The following ZBTB4 variants were observed in gnomAD, a reference collection of about 807,000 sequenced individuals.
ZBTB4 encodes zinc finger and BTB domain-containing protein 4.
Under a neutral mutation model 59.8 loss-of-function variants are expected in ZBTB4, and 14 were observed. The ratio of observed to expected loss-of-function variants is 0.23; its 90% CI spans 0.15 to 0.37. The LOEUF is 0.37. ZBTB4 is among the 10% of genes least tolerant of loss of function. The probability of loss-of-function intolerance (pLI) is 1.00; values close to 1 mark genes in which losing one functional copy is unlikely to be tolerated. For synonymous variants in ZBTB4, 587 were observed against 575.2 expected, an observed-to-expected ratio of 1.02 and a Z score of -0.29; for missense variants, 1,198 against 1,380.8, an observed-to-expected ratio of 0.87 and a Z score of 2.10.
At chr17:7,465,667 A>G in intron 3 of ZBTB4, 44 bp downstream of exon 3, 1 of 1,552,428 alleles carries the variant, frequency 6.4e-7, no homozygotes, top group Non-Finnish European at 8.7e-7. Flanking sequence ...ATGACCGCTG[A>G]GTGCCAGCCT....
chr17:7,462,737 C>T lies in ZBTB4; in HGVS notation c.2245G>A (p.Gly749Ser), dbSNP rs144235825. Residue 749 changes from glycine (G) to serine (S), a missense_variant, in exon 4 of 4, where the codon GGT (glycine) becomes AGT (serine). Physicochemically the swap from Gly to Ser is moderately conservative, Grantham distance 56. This residue lies in a region of ZBTB4 where 550 missense variants were observed against 541.8 expected (regional missense o/e 1.02). Coordinates refer to ENST00000380599, the MANE Select transcript of ZBTB4 (RefSeq NM_001128833.2). The surrounding 1 kb of genome is among the most constrained non-coding windows in gnomAD (Gnocchi z 7.5). Reference sequence around the variant, plus strand: ...GCCCGGGAGCTGTGGGAGCCCCCACCGTGGGCCTCTTGGTGCTTCCGCAGC... The same window carrying T: ...GCCCGGGAGCTGTGGGAGCCCCCACTGTGGGCCTCTTGGTGCTTCCGCAGC... ...RKLRKHQEAH[G>S]GGSHSSRAGR... 52 of 1,603,614 alleles carry T rather than the reference C, an allele frequency of 3.2e-5. 2 individuals carry two copies. The East Asian group carries it at 4.0e-4, about 12-fold the overall frequency.
upstream of ZBTB4, chr17:7,482,848 C>T (rs140664147): frequency 1.3e-5 from 21 of 1,612,046 alleles, no homozygotes; most frequent in East Asian, 3.6e-4. Flanking sequence ...TCCTGCATTC[C>T]GAGGTGGTGG....
chr17:7,466,052 C>T lies in ZBTB4; in HGVS notation c.750G>A (p.Gln250=), dbSNP rs185495992. Reference sequence around the variant, plus strand: ...CTCGTCGGCACTGGGCCTCATGGGTCTGCAGCCGTTTGGGATGGATGAAGC... The same window carrying T: ...CTCGTCGGCACTGGGCCTCATGGGTTTGCAGCCGTTTGGGATGGATGAAGC... The part of the protein sequence containing the change: ...GKSFIHPKRL[Q]THEAQCRRGA... Residue 250 remains glutamine (Q), a synonymous_variant, in exon 3 of 4, where the codon CAG becomes CAA. Coordinates refer to ENST00000380599, the MANE Select transcript of ZBTB4 (RefSeq NM_001128833.2). The surrounding 1 kb of genome is among the most constrained non-coding windows in gnomAD (Gnocchi z 9.1). 8.3e-5 allele frequency: 134 copies of T among 1,608,018 alleles called. No individual in the cohort carries two copies. The highest frequency in any genetic ancestry group is 1.7e-4 in the Middle Eastern group (1 of 6,034).
intron 1 of ZBTB4, among the ~76,000 whole-genome samples, chr17:7,474,965 T>C (rs1471201874): frequency 1.4e-5 from 2 of 138,266 alleles, no homozygotes; most frequent in African/African-American, 5.5e-5. Flanking sequence ...CGAGCAGAGA[T>C]TGCGCCACTG....
upstream of ZBTB4, chr17:7,481,392 G>A (rs965395873): frequency 5.0e-5 from 65 of 1,287,702 alleles, no homozygotes; most frequent in Admixed American, 3.2e-4. Context: ...GAAAATAGGC[G>A]TGCTACCACC....
At position 7,466,097 on chromosome 17, in the gene ZBTB4, G is replaced by A. The variant is rs780235995; in HGVS notation, c.705C>T (p.Pro235=). 7 of 1,606,560 alleles carry A rather than the reference G, an allele frequency of 4.4e-6. 1 individual carries two copies. In the South Asian group the frequency reaches 6.6e-5, roughly 15 times the overall value. Reference sequence around the variant, plus strand: ...TGAAGCTTTTTCCACACTGGGGGCAGGGGAGGGGCCGCCGGGGCAGGGAGC... The same window carrying A: ...TGAAGCTTTTTCCACACTGGGGGCAAGGGAGGGGCCGCCGGGGCAGGGAGC... ...LQCSLPRRPL[P]CPQCGKSFIH... Residue 235 remains proline (P), a synonymous_variant, in exon 3 of 4, where the codon CCC becomes CCT. Coordinates refer to ENST00000380599, the MANE Select transcript of ZBTB4 (RefSeq NM_001128833.2). This position sits in a 1 kb window ranked among gnomAD's most constrained non-coding sequence, Gnocchi z 9.1.
rs138273424 is a variant in ZBTB4 at position 7,475,993 on chromosome 17, C to T, written c.-81+3463G>A. Reference sequence around the variant, plus strand: ...GTGTCATGTCTGACTCCACCCTTTCCCTCACTTCCACATCCAGCAGTCATC... The same window carrying T: ...GTGTCATGTCTGACTCCACCCTTTCTCTCACTTCCACATCCAGCAGTCATC... On this transcript the variant is annotated intron_variant, in intron 1 of 3. Coordinates refer to ENST00000380599, the MANE Select transcript of ZBTB4 (RefSeq NM_001128833.2). 5.3e-4 allele frequency among the ~76,000 whole-genome samples: 80 copies of T among 152,322 alleles called. 1 individual carries two copies. The highest frequency in any genetic ancestry group is 3.4e-3 in the Middle Eastern group (1 of 294).
At position 7,466,066 on chromosome 17, in the gene ZBTB4, G is replaced by A. The variant is rs1015011051; in HGVS notation, c.736C>T (p.Pro246Ser). ...GCCTCATGGGTCTGCAGCCGTTTGG[G>A]ATGGATGAAGCTTTTTCCACACTGG... ...CPQCGKSFIH[P>S]KRLQTHEAQC... Residue 246 changes from proline (P) to serine (S), a missense_variant, in exon 3 of 4, where the codon CCC becomes TCC. Physicochemically the swap from Pro to Ser is moderately conservative, Grantham distance 74. Around this residue, in one of 9 missense-constraint regions of ZBTB4, gnomAD observed 204 missense variants for 205.5 expected, o/e 0.99. Transcript: ENST00000380599. This position sits in a 1 kb window ranked among gnomAD's most constrained non-coding sequence, Gnocchi z 9.1. The A allele has an allele frequency of 3.0e-5, 48 of 1,607,278 alleles. No homozygotes were observed. Among genetic ancestry groups the A allele is most frequent in the Non-Finnish European group, 4.0e-5 (47 of 1,176,092 alleles).
At chr17:7,482,601 G>C (rs947014158), upstream of ZBTB4, 4 of 1,612,146 alleles carry the variant, frequency 2.5e-6, no homozygotes, top group Non-Finnish European at 3.4e-6. Flanking sequence ...CTGTCCCTGG[G>C]GCTTCTGGTC....
chr17:7,467,092 A>T, intron 2 of ZBTB4, 165 bp downstream of exon 2: 1 of 902,178 alleles, frequency 1.1e-6, no homozygotes, highest in Non-Finnish European at 1.3e-6. Flanking sequence ...CACAGACTAG[A>T]GATGTAAGTG....
intron 1 of ZBTB4, among the ~76,000 whole-genome samples, chr17:7,477,198 G>A (rs2070280148): frequency 6.6e-6 from 1 of 152,174 alleles, no homozygotes; most frequent in African/African-American, 2.4e-5. Context: ...CCTGGGGGAG[G>A]GCTGACAGGG....
chr17:7,461,252 G>GGGGCA lies in ZBTB4; in HGVS notation c.*683_*687dup, dbSNP rs1197954436. ...CTCAGCCACAGAACAGAGGGGCAGA[G>GGGGCA]GGGCAACCCTCCCCCAAACCTCCTT... On this transcript the variant is annotated 3_prime_UTR_variant, in exon 4 of 4. Coordinates refer to ENST00000380599, the MANE Select transcript of ZBTB4 (RefSeq NM_001128833.2). 6.5e-6 allele frequency: 1 copy of GGGGCA among 152,714 alleles called. No individual in the cohort carries two copies. Among genetic ancestry groups the GGGGCA allele is most frequent in the Non-Finnish European group, 1.5e-5 (1 of 68,098 alleles). The allele number at this position is 152,714 out of a possible 1,614,324, so 9.5% of individuals were successfully genotyped here. A position where few individuals can be genotyped will look rare whatever the true frequency, so the allele number is the denominator to read the frequency against.
chr17:7,463,029 ATCCTCCTCCTCCTCCTCTTCG>A lies in ZBTB4; in HGVS notation c.1932_1952del (p.Glu648_Glu654del). 1 of 1,608,708 alleles carries A rather than the reference ATCCTCCTCCTCCTCCTCTTCG, an allele frequency of 6.2e-7. No homozygotes were observed. Among genetic ancestry groups the A allele is most frequent in the Non-Finnish European group, 8.5e-7 (1 of 1,178,836 alleles). ...CCCCACCAGCCTTTGATTCCTCCTC[ATCCTCCTCCTCCTCCTCTTCG>A]TCCTCCTCCTCTTCGTCCTCCTCAC... On this transcript the variant is annotated inframe_deletion, in exon 4 of 4. Transcript: ENST00000380599.
intron 1 of ZBTB4, among the ~76,000 whole-genome samples, chr17:7,469,157 C>T (rs1190452522): frequency 1.3e-5 from 2 of 151,928 alleles, no homozygotes; most frequent in African/African-American, 2.4e-5. Context: ...GTTAGCTTTC[C>T]CTCCTTTTAA....
intron 1 of ZBTB4, among the ~76,000 whole-genome samples, chr17:7,471,193 T>G (rs575554580): frequency 1.8e-4 from 28 of 152,236 alleles, no homozygotes; most frequent in African/African-American, 6.7e-4. Flanking sequence ...AAAAAAATTT[T>G]TTTTTTTTGA....
At chr17:7,481,951 GGCT>G (rs2070349721), upstream of ZBTB4, 1 of 1,550,820 alleles carries the variant, frequency 6.4e-7, no homozygotes, top group Non-Finnish European at 8.7e-7. Flanking sequence ...CCTGGGCTGC[GGCT>G]GCTGTCTACC....
In ZBTB4 at chr17:7,462,011, G is replaced by T; in HGVS notation, c.2971C>A (p.Pro991Thr). The T allele has an allele frequency of 6.2e-7, 1 of 1,603,532 alleles. No homozygotes were observed. The highest frequency in any genetic ancestry group is 8.5e-7 in the Non-Finnish European group (1 of 1,174,336). The change falls in exon 4 of 4, where the codon CCA becomes ACA. Residue 991 changes from proline to threonine, a missense_variant. Physicochemically the swap from Pro to Thr is conservative, Grantham distance 38. Coordinates refer to ENST00000380599, the MANE Select transcript of ZBTB4 (RefSeq NM_001128833.2). The surrounding 1 kb of genome is among the most constrained non-coding windows in gnomAD (Gnocchi z 7.5). ...PPTPPPPTLP[P>T]PIPPKGEGER... ...CCTTCTCCCTTAGGGGGAATTGGTG[G>T]AGGAAGAGTTGGGGGAGGTGGTGTT...
upstream of ZBTB4, among the ~76,000 whole-genome samples, chr17:7,480,797 G>C (rs1255631109): frequency 2.0e-5 from 3 of 151,980 alleles, no homozygotes; most frequent in Non-Finnish European, 2.9e-5. Context: ...AAGCCACAGA[G>C]CTAGCCATAA....
intron 3 of ZBTB4, among the ~76,000 whole-genome samples, chr17:7,464,796 C>T (rs1181794641): frequency 1.3e-5 from 2 of 150,314 alleles, no homozygotes; most frequent in East Asian, 1.9e-4. Context: ...TGAGATTGCG[C>T]CACTGCACTC....
Sources: allele counts gnomAD v4.1 joint callset (sites outside exome capture counted in the v4.1 genomes callset), GRCh38; gene constraint gnomAD v4.1.1; regional missense constraint gnomAD v4.1.1; non-coding constraint Gnocchi (gnomAD v3.1); transcripts MANE v1.5; gene names NCBI Gene and HGNC (gene_info 2026-07-23, HGNC 2026-07-21).